IFRD1: variants seen among roughly 807,000 people sequenced by gnomAD.
IFRD1 encodes the protein interferon-related developmental regulator 1.
A neutral mutation model predicts 52.9 loss-of-function variants in IFRD1; 35 were observed. The observed-to-expected ratio is 0.66, with a 90% CI of 0.51 to 0.88. IFRD1 has a LOEUF of 0.88. Ranked by LOEUF, IFRD1 falls within the 40% of genes least tolerant of loss-of-function variation. The pLI, the probability that IFRD1 is intolerant of heterozygous loss-of-function variation, is 0.00. For missense variants in IFRD1, 517 were observed against 550.8 expected, an observed-to-expected ratio of 0.94 and a Z score of 0.61; for synonymous variants, 184 against 188.4, an observed-to-expected ratio of 0.98 and a Z score of 0.19.
chr7:112,434,778 CT>C (rs1473264729), intron 1 of IFRD1, among the ~76,000 whole-genome samples: 2 of 152,076 alleles, frequency 1.3e-5, no homozygotes, highest in African/African-American at 4.8e-5. Context: ...ATGTTTGGAC[CT>C]CAGATTATAC....
Position 112,453,605 on chromosome 7 carries a change from T to A in IFRD1, c.95-2158T>A, listed in dbSNP as rs1383448385. Reference sequence around the variant, plus strand: ...ACTTGTGAATAAATGTTAATAAAATTAATCAGATGACACTCATCTGTTGCC... The same window carrying A: ...ACTTGTGAATAAATGTTAATAAAATAAATCAGATGACACTCATCTGTTGCC... On this transcript the variant is annotated intron_variant, in intron 1 of 11. Transcript: ENST00000403825. Among the ~76,000 whole-genome samples the A allele has an allele frequency of 2.0e-5, 3 of 152,150 alleles. No homozygotes were observed. In the East Asian group the frequency reaches 5.8e-4, roughly 29 times the overall value.
At chr7:112,460,241 G>GA (rs1795401239) in intron 5 of IFRD1, among the ~76,000 whole-genome samples, 2 of 92,950 alleles carry the variant, frequency 2.2e-5, no homozygotes, top group Admixed American at 3.1e-4. Context: ...CAGTCCTAGG[G>GA]TTTTTTTTTT....
chr7:112,433,951 CGGG>C (rs1794607508), intron 1 of IFRD1, among the ~76,000 whole-genome samples: 1 of 152,110 alleles, frequency 6.6e-6, no homozygotes, highest in African/African-American at 2.4e-5. Flanking sequence ...TCCTGAGTAG[CGGG>C]GACCACAGGC....
At chr7:112,474,964 A>ATTT (rs35849906) in intron 11 of IFRD1, among the ~76,000 whole-genome samples, 60 of 150,818 alleles carry the variant, frequency 4.0e-4, no homozygotes, top group African/African-American at 9.5e-4. Flanking sequence ...CTCTTTATTT[A>ATTT]TTTATTTTTT....
Position 112,429,431 on chromosome 7 carries a change from A to G in IFRD1, c.-182+5999A>G, listed in dbSNP as rs554259679. On this transcript the variant is annotated intron_variant, in intron 1 of 12. Transcript: ENST00000005558. ...TAAATCTTTGAACATCAGTTATTCA[A>G]TAGTTCCAATATTTGGAACACAGCA... Among the ~76,000 whole-genome samples, 13 of 152,356 alleles carry G rather than the reference A, an allele frequency of 8.5e-5. No homozygotes were observed. The South Asian group carries it at 2.5e-3, about 29-fold the overall frequency.
chr7:112,446,177 G>A (rs1795025607), upstream of IFRD1: 1 of 170,180 alleles, frequency 5.9e-6, no homozygotes, highest in Non-Finnish European at 1.3e-5. Flanking sequence ...ATTGTCTTCT[G>A]GTTTGCTGAA....
intron 1 of IFRD1, among the ~76,000 whole-genome samples, chr7:112,441,268 C>T (rs1310745573): frequency 6.7e-6 from 1 of 150,358 alleles, no homozygotes; most frequent in East Asian, 1.9e-4. Context: ...GAGTGAGATC[C>T]TGTCTTAAAA....
Position 112,476,266 on chromosome 7 carries a change from G to A in IFRD1, c.*747G>A, listed in dbSNP as rs558727921. 6.6e-6 allele frequency: 1 copy of A among 151,870 alleles called. No individual in the cohort carries two copies. Among genetic ancestry groups the A allele is most frequent in the East Asian group, 1.9e-4 (1 of 5,186 alleles). 9.4% of individuals were successfully genotyped at this position (151,870 alleles called of 1,614,324 possible). A position where few individuals can be genotyped will look rare whatever the true frequency, so the allele number is the denominator to read the frequency against. ...GAGTCCAAAATGACTAGGCCAGGTGGGCAGGGAGACAAAGCTTTATGTGTA... is the reference window on the plus strand; with the variant it reads ...GAGTCCAAAATGACTAGGCCAGGTGAGCAGGGAGACAAAGCTTTATGTGTA... On this transcript the variant is annotated 3_prime_UTR_variant, in exon 12 of 12. Coordinates refer to ENST00000403825, the MANE Select transcript of IFRD1 (RefSeq NM_001550.4).
chr7:112,440,344 G>A (rs1307063420), intron 1 of IFRD1, among the ~76,000 whole-genome samples: 1 of 152,098 alleles, frequency 6.6e-6, no homozygotes, highest in East Asian at 1.9e-4. Flanking sequence ...TTTATATAAG[G>A]CTGATAAATC....
intron 1 of IFRD1, among the ~76,000 whole-genome samples, chr7:112,428,668 TA>T (rs957332495): frequency 6.6e-6 from 1 of 152,130 alleles, no homozygotes; most frequent in Non-Finnish European, 1.5e-5. Context: ...TAAGGAAGCT[TA>T]ACCTTCAGAC....
rs143617628 is a variant in IFRD1, at chr7:112,441,724, A to T, written c.-181-8784A>T. On this transcript the variant is annotated intron_variant, in intron 1 of 12. Transcript: ENST00000005558. The stretch of plus-strand genomic sequence containing the variant: ...CTCTCAGTTCTAATTCTGAATTCCA[A>T]GGAGAGAGAATCTGATTTACAAATA... Among the ~76,000 whole-genome samples the T allele has an allele frequency of 1.5e-3, 234 of 152,294 alleles. 1 individual carries two copies. Among genetic ancestry groups the T allele is most frequent in the African/African-American group, 5.3e-3 (219 of 41,538 alleles).
intron 1 of IFRD1, among the ~76,000 whole-genome samples, chr7:112,453,461 T>G (rs932096504): frequency 5.9e-5 from 9 of 152,144 alleles, no homozygotes; most frequent in East Asian, 1.9e-4. Context: ...ATGTGTATTT[T>G]TTTTCTTTCC....
intron 11 of IFRD1, among the ~76,000 whole-genome samples, 170 bp downstream of exon 11, chr7:112,473,031 T>C (rs375546365): frequency 8.2e-5 from 4 of 49,034 alleles, no homozygotes; most frequent in Non-Finnish European, 1.9e-4. Flanking sequence ...GTGGGGGGCG[T>C]GTGTGTGTGT....
At chr7:112,453,796 G>C (rs1389359880) in intron 1 of IFRD1, among the ~76,000 whole-genome samples, 1 of 152,008 alleles carries the variant, frequency 6.6e-6, no homozygotes, top group East Asian at 1.9e-4. Context: ...AAATCTGAAG[G>C]CCACTTGCTT....
chr7:112,473,907 G>C (rs945954167), intron 11 of IFRD1, among the ~76,000 whole-genome samples: 2 of 152,084 alleles, frequency 1.3e-5, no homozygotes, highest in African/African-American at 4.8e-5. Flanking sequence ...CACTTCCCTT[G>C]TGCTACCCCC....
At chr7:112,470,822 T>G (rs921509236) in intron 9 of IFRD1, among the ~76,000 whole-genome samples, 1 of 152,222 alleles carries the variant, frequency 6.6e-6, no homozygotes, top group African/African-American at 2.4e-5. Flanking sequence ...TATACTTTAT[T>G]GTTTAGGGAA....
At chr7:112,439,783 G>A (rs1794825142) in intron 1 of IFRD1, among the ~76,000 whole-genome samples, 2 of 152,056 alleles carry the variant, frequency 1.3e-5, no homozygotes, top group African/African-American at 2.4e-5. Context: ...TTTATAAGAG[G>A]AATCAATTAT....
chr7:112,470,735 C>G (rs935986833), intron 9 of IFRD1, among the ~76,000 whole-genome samples: 4 of 152,126 alleles, frequency 2.6e-5, no homozygotes, highest in African/African-American at 9.7e-5. Context: ...TGCATATAAC[C>G]TATGCACGTA....
chr7:112,442,257 TG>T (rs2117260707), intron 1 of IFRD1, among the ~76,000 whole-genome samples: 1 of 152,348 alleles, frequency 6.6e-6, no homozygotes, highest in East Asian at 1.9e-4. Flanking sequence ...AAATTTCTCC[TG>T]TTAACCACTT....
Sources: gnomAD v4.1 joint callset for allele counts (sites outside exome capture counted in the v4.1 genomes callset) on GRCh38, gnomAD v4.1.1 for gene constraint, MANE v1.5 for transcripts, NCBI Gene and HGNC (gene_info 2026-07-23, HGNC 2026-07-21) for gene names.